Variants in KIAA2012 observed in about 807,000 individuals in gnomAD.
KIAA2012 encodes uncharacterized protein KIAA2012.
Under a neutral mutation model 150.6 loss-of-function variants are expected in KIAA2012, and 125 were observed. The ratio of observed to expected loss-of-function variants is 0.83; its 90% CI spans 0.72 to 0.96. The LOEUF is 0.96. KIAA2012 is among the 40% of genes least tolerant of loss of function. The pLI, the probability that KIAA2012 is intolerant of heterozygous loss-of-function variation, is 0.00. For missense variants in KIAA2012, 1,219 were observed against 1,354.9 expected (o/e 0.90, Z 1.57); for synonymous variants, 462 against 504.7 (o/e 0.92, Z 1.13).
At chr2:202,203,854 T>C (rs1692581687) in intron 23 of KIAA2012, among the ~76,000 whole-genome samples, 1 of 151,792 alleles carries the variant, frequency 6.6e-6, no homozygotes, top group Non-Finnish European at 1.5e-5. Flanking sequence ...ACTGCAAGCT[T>C]CGCCTCCCGG....
rs140645385 is a variant in KIAA2012, at chr2:202,097,520, G to A, written c.771G>A (p.Gly257=). The A allele has an allele frequency of 1.5e-4, 239 of 1,550,522 alleles. 3 individuals are homozygous for A. In the East Asian group the frequency reaches 4.4e-3, roughly 28 times the overall value. The change falls in exon 5 of 24, where the codon GGG becomes GGA. Residue 257 remains glycine, a synonymous_variant. Transcript: ENST00000498697. ...TAGCCAAGAACCATGGCAGTCAGGG[G>A]ACTCGCTTGCCACCACGCAGGAAGC... is the stretch of plus-strand genomic sequence containing the variant. ...GPLAKNHGSQ[G]TRLPPRRKQP...
intron 2 of KIAA2012, among the ~76,000 whole-genome samples, chr2:202,081,213 T>C (rs1689444976): frequency 6.6e-6 from 1 of 152,250 alleles, no homozygotes; most frequent in African/African-American, 2.4e-5. Flanking sequence ...AATAGTCCCT[T>C]GTATGTATAC....
chr2:202,199,444 A>G (rs925832428), intron 22 of KIAA2012, among the ~76,000 whole-genome samples: 1 of 152,064 alleles, frequency 6.6e-6, no homozygotes, highest in Non-Finnish European at 1.5e-5. Flanking sequence ...TAGTTTTTAT[A>G]TTTGTATTTT....
chr2:202,162,324 G>A (rs57220602), intron 14 of KIAA2012, among the ~76,000 whole-genome samples: 6,907 of 152,052 alleles, frequency 0.045, 538 homozygotes, highest in African/African-American at 0.16. Flanking sequence ...ATCCAGGCTG[G>A]AGTGCAGTGT....
At position 202,174,589 on chromosome 2, in the gene KIAA2012, A is replaced by G. The variant is rs189268735; in HGVS notation, c.2119+9233A>G. Reference sequence around the variant, plus strand: ...AGCACAATTTAAAAATAGAATTTAAAAGGAATTGTTATTATGGAAAACTGC... The same window carrying G: ...AGCACAATTTAAAAATAGAATTTAAGAGGAATTGTTATTATGGAAAACTGC... On this transcript the variant is annotated intron_variant, in intron 15 of 23. Transcript: ENST00000498697. 1.3e-5 allele frequency among the ~76,000 whole-genome samples: 2 copies of G among 152,372 alleles called. 1 individual carries two copies. Among genetic ancestry groups the G allele is most frequent in the Admixed American group, 1.3e-4 (2 of 15,312 alleles).
chr2:202,188,936 C>CT (rs1455421788), intron 18 of KIAA2012, among the ~76,000 whole-genome samples: 1 of 152,224 alleles, frequency 6.6e-6, no homozygotes, highest in Non-Finnish European at 1.5e-5. Context: ...CCATCCTTTA[C>CT]TGCCCACATG....
rs146046327 is a variant in KIAA2012, at chr2:202,141,053, G to A, written c.1908+2545G>A. On this transcript the variant is annotated intron_variant, in intron 13 of 23. Coordinates refer to ENST00000498697, the MANE Select transcript of KIAA2012 (RefSeq NM_001277372.4). ...CTAGATTTTGAAAACAATCTCTGGCGTGTGGGTTGGAGAGAAAGCCACAGG... is the reference window on the plus strand; with the variant it reads ...CTAGATTTTGAAAACAATCTCTGGCATGTGGGTTGGAGAGAAAGCCACAGG... Among the ~76,000 whole-genome samples, 79 of 152,324 alleles carry A rather than the reference G, an allele frequency of 5.2e-4. 1 individual carries two copies. The highest frequency in any genetic ancestry group is 3.4e-3 in the Middle Eastern group (1 of 294).
At chr2:202,173,292 G>A (rs902749009) in intron 15 of KIAA2012, among the ~76,000 whole-genome samples, 5 of 152,130 alleles carry the variant, frequency 3.3e-5, no homozygotes, top group African/African-American at 9.7e-5. Context: ...ATTATAGGCC[G>A]GGCCTGGTCA....
At chr2:202,120,593 T>C (rs1690633675) in intron 11 of KIAA2012, among the ~76,000 whole-genome samples, 1 of 152,158 alleles carries the variant, frequency 6.6e-6, no homozygotes, top group South Asian at 2.1e-4. Context: ...AAGTTCCCTC[T>C]CTACTGTGAT....
intron 9 of KIAA2012, among the ~76,000 whole-genome samples, chr2:202,109,178 A>G (rs779387606): frequency 3.9e-5 from 6 of 152,196 alleles, no homozygotes; most frequent in Non-Finnish European, 7.3e-5. Context: ...CATCAGCTCT[A>G]AAGCTGGGAT....
rs376450801 is a variant in KIAA2012, at chr2:202,133,101, T to TAAAAAAAA, written c.1832-5329_1832-5322dup. Among the ~76,000 whole-genome samples, 168 of 73,514 alleles carry TAAAAAAAA rather than the reference T, an allele frequency of 2.3e-3. 2 individuals are homozygous for TAAAAAAAA. The highest frequency in any genetic ancestry group is 0.014 in the Middle Eastern group (2 of 146). The allele number at this position is 73,514 out of a possible 152,430, so 48.2% of individuals were successfully genotyped here. ...GCCTGGGCGACAGTGTGAGACTGTC[T>TAAAAAAAA]AAAAAAAAATATATATATATATATA... On this transcript the variant is annotated intron_variant, in intron 12 of 23. Coordinates refer to ENST00000498697, the MANE Select transcript of KIAA2012 (RefSeq NM_001277372.4).
rs1466419150 is a variant in KIAA2012 at position 202,154,729 on chromosome 2, TATAA to T, written c.1971_1974del (p.Asn657LysfsTer3). 1.3e-6 allele frequency: 2 copies of T among 1,550,254 alleles called. No homozygotes were observed. Among genetic ancestry groups the T allele is most frequent in the South Asian group, 1.2e-5 (1 of 83,982 alleles). On this transcript the variant is annotated frameshift_variant, in exon 14 of 24. Coordinates refer to ENST00000498697, the MANE Select transcript of KIAA2012 (RefSeq NM_001277372.4). LOFTEE classifies it high-confidence loss of function. ...AGAAGACAGGAGAGCCTCAAAGTTG[TATAA>T]ATAAAGCGCTGATATGTTCAAACAG...
chr2:202,108,591 T>C (rs926739351), intron 9 of KIAA2012, among the ~76,000 whole-genome samples: 1 of 152,230 alleles, frequency 6.6e-6, no homozygotes, highest in African/African-American at 2.4e-5. Context: ...AGAATTACCT[T>C]CGATTTGGAT....
At chr2:202,163,766 C>T (rs1691703497) in intron 14 of KIAA2012, among the ~76,000 whole-genome samples, 1 of 146,976 alleles carries the variant, frequency 6.8e-6, no homozygotes, top group Non-Finnish European at 1.5e-5. Context: ...TTACTCCTTT[C>T]CATTTATTCA....
At chr2:202,130,839 C>CCTGCCTGAGCCAGGCAGGTTGAATCTG (rs1486792793) in intron 12 of KIAA2012, among the ~76,000 whole-genome samples, 2 of 152,140 alleles carry the variant, frequency 1.3e-5, no homozygotes, top group Non-Finnish European at 2.9e-5. Flanking sequence ...ATCACTTGAA[C>CCTGCCTGAGCCAGGCAGGTTGAATCTG]CCAGGAGGCA....
In KIAA2012 at chr2:202,103,254, T is replaced by A. The variant is rs892136581; in HGVS notation, c.1324+140T>A. The A allele has an allele frequency of 4.8e-6, 4 of 836,070 alleles. No homozygotes were observed. The Admixed American group carries it at 1.2e-4, about 26-fold the overall frequency. The allele number at this position is 836,070 out of a possible 1,614,324, so 51.8% of individuals were successfully genotyped here. On this transcript the variant is annotated intron_variant, in intron 8 of 23. Transcript: ENST00000498697. ...ATATTTTTTAAAGAAGGAAAAAGGA[T>A]AAAATCTAGAAGAAGATCTCTTCTG...
At chr2:202,162,109 T>C (rs1574299484) in intron 14 of KIAA2012, among the ~76,000 whole-genome samples, 1 of 152,176 alleles carries the variant, frequency 6.6e-6, no homozygotes, top group Non-Finnish European at 1.5e-5. Context: ...GCCTTCCAGC[T>C]GCTCAGCTCC....
intron 12 of KIAA2012, among the ~76,000 whole-genome samples, chr2:202,126,281 G>T (rs1253450990): frequency 6.6e-6 from 1 of 152,172 alleles, no homozygotes; most frequent in Non-Finnish European, 1.5e-5. Context: ...GGGCTGGGCA[G>T]CAATGAATCC....
chr2:202,076,443 A>G (rs1224795733), intron 2 of KIAA2012, among the ~76,000 whole-genome samples: 1 of 152,200 alleles, frequency 6.6e-6, no homozygotes, highest in Non-Finnish European at 1.5e-5. Flanking sequence ...CCCTCTTTTC[A>G]TCTTTCAAAA....
Sources: allele counts gnomAD v4.1 joint callset (sites outside exome capture counted in the v4.1 genomes callset), GRCh38; gene constraint gnomAD v4.1.1; transcripts MANE v1.5; gene names NCBI Gene and HGNC (gene_info 2026-07-23, HGNC 2026-07-21).